Variants in ADAM18 observed in about 807,000 individuals in gnomAD.
The protein encoded by ADAM18 is ADAM metallopeptidase domain 18.
A neutral mutation model predicts 94.4 loss-of-function variants in ADAM18; 117 were observed. The ratio of observed to expected loss-of-function variants is 1.24; its 90% CI spans 1.07 to 1.45. The LOEUF (loss-of-function observed/expected upper bound fraction) is 1.45, where lower values mean the gene tolerates loss of function less well. ADAM18 is among the 40% of genes most tolerant of loss of function. ADAM18 has a pLI of 0.00. For missense variants in ADAM18, 936 were observed against 880.0 expected (o/e 1.06, Z -0.81); for synonymous variants, 327 against 291.6 (o/e 1.12, Z -1.24).
chr8:39,696,972 A>T (rs144891088), intron 17 of ADAM18, among the ~76,000 whole-genome samples: 27 of 151,700 alleles, frequency 1.8e-4, no homozygotes, highest in Admixed American at 6.6e-4. Flanking sequence ...TGTCATCTTG[A>T]CAATATTAAG....
chr8:39,659,366 T>A (rs1269238169), intron 12 of ADAM18, among the ~76,000 whole-genome samples: 1 of 151,186 alleles, frequency 6.6e-6, no homozygotes, highest in Admixed American at 6.6e-5. Flanking sequence ...CTGGAATGAA[T>A]AATTTAAAAA....
At chr8:39,649,944 C>T (rs1820486907) in intron 12 of ADAM18, among the ~76,000 whole-genome samples, 1 of 152,036 alleles carries the variant, frequency 6.6e-6, no homozygotes. Flanking sequence ...ACAGCCTTGC[C>T]CATGTGTTTG....
chr8:39,669,346 G>A (rs1333241814), intron 14 of ADAM18, among the ~76,000 whole-genome samples: 1 of 146,558 alleles, frequency 6.8e-6, no homozygotes, highest in Admixed American at 6.9e-5. Context: ...TAAGTTTTAG[G>A]GTACATGTGC....
At chr8:39,701,117 CA>C (rs71237188) in intron 17 of ADAM18, among the ~76,000 whole-genome samples, 128 of 34,540 alleles carry the variant, frequency 3.7e-3, no homozygotes, top group African/African-American at 9.1e-3. Context: ...GACTCTGTCT[CA>C]AAAAAAAAAA....
At chr8:39,695,467 T>C (rs1821897161) in intron 17 of ADAM18, among the ~76,000 whole-genome samples, 1 of 151,540 alleles carries the variant, frequency 6.6e-6, no homozygotes, top group Non-Finnish European at 1.5e-5. Context: ...TTGTTTTAAT[T>C]TGCAGCTCTC....
intron 6 of ADAM18, among the ~76,000 whole-genome samples, chr8:39,619,994 A>T (rs1465129607): frequency 2.0e-5 from 3 of 152,148 alleles, no homozygotes; most frequent in Admixed American, 1.3e-4. Context: ...ACAGCATGGT[A>T]TTGGCATTAA....
At chr8:39,639,161 G>T (rs2129579348) in intron 10 of ADAM18, among the ~76,000 whole-genome samples, 1 of 151,886 alleles carries the variant, frequency 6.6e-6, no homozygotes, top group African/African-American at 2.4e-5. Context: ...AAAGTTTATA[G>T]CACAATTAAT....
chr8:39,723,181 A>C (rs907497510), intron 18 of ADAM18, among the ~76,000 whole-genome samples: 17 of 84,118 alleles, frequency 2.0e-4, no homozygotes, highest in African/African-American at 8.1e-4. Flanking sequence ...TTAAAAAAAC[A>C]AAGGTAATAA....
At chr8:39,644,930 A>G (rs1820337145) in intron 10 of ADAM18, among the ~76,000 whole-genome samples, 1 of 152,188 alleles carries the variant, frequency 6.6e-6, no homozygotes, top group Non-Finnish European at 1.5e-5. Context: ...TAAGCTATAG[A>G]TGTGAACAAA....
chr8:39,663,847 C>A lies in ADAM18; in HGVS notation c.1283C>A (p.Ser428Ter). The A allele has an allele frequency of 1.9e-6, 3 of 1,612,170 alleles. No individual in the cohort carries two copies. Among genetic ancestry groups the A allele is most frequent in the Non-Finnish European group, 2.5e-6 (3 of 1,179,580 alleles). ...CDYNTCKLKG[S>*]VKCGSGPCCT... ...TATAACACATGTAAACTGAAGGGCT[C>A]AGTAAAATGTGGTTCTGGACCATGT... Residue 428 changes from serine (S) to a stop codon, truncating the protein, a stop_gained, in exon 13 of 20, where the codon TCA (serine) becomes TAA (stop). Transcript: ENST00000265707. LOFTEE classifies it high-confidence loss of function.
At chr8:39,615,361 A>AAATG (rs1296499393) in intron 6 of ADAM18, among the ~76,000 whole-genome samples, 3 of 152,200 alleles carry the variant, frequency 2.0e-5, no homozygotes, top group Admixed American at 6.5e-5. Context: ...ACTTTTGGAT[A>AAATG]AATGATGAAA....
intron 3 of ADAM18, among the ~76,000 whole-genome samples, chr8:39,608,827 A>C (rs1819172460): frequency 6.6e-6 from 1 of 152,154 alleles, no homozygotes; most frequent in Admixed American, 6.5e-5. Flanking sequence ...TCTGATGCAG[A>C]GGAATCCCAG....
At chr8:39,656,055 TTCA>T (rs1202710146) in intron 12 of ADAM18, among the ~76,000 whole-genome samples, 1 of 152,118 alleles carries the variant, frequency 6.6e-6, no homozygotes, top group Non-Finnish European at 1.5e-5. Context: ...TTTGTCCAAA[TTCA>T]TCATCCCGAA....
chr8:39,613,366 TA>T (rs1419200773), intron 6 of ADAM18, among the ~76,000 whole-genome samples: 1 of 152,190 alleles, frequency 6.6e-6, no homozygotes, highest in Non-Finnish European at 1.5e-5. Context: ...CCAGGAGTAC[TA>T]AACCAAGTAT....
chr8:39,647,504 C>T (rs1244802105), intron 11 of ADAM18, among the ~76,000 whole-genome samples: 1 of 152,128 alleles, frequency 6.6e-6, no homozygotes, highest in Non-Finnish European at 1.5e-5. Flanking sequence ...GAGACAGTGG[C>T]CTTCCTCTAT....
At chr8:39,702,994 A>G (rs1822131621) in intron 17 of ADAM18, among the ~76,000 whole-genome samples, 2 of 152,154 alleles carry the variant, frequency 1.3e-5, no homozygotes, top group East Asian at 1.9e-4. Flanking sequence ...GTGAATTTTA[A>G]AATAGTTTTC....
At chr8:39,707,167 T>C (rs1257705920) in intron 18 of ADAM18, among the ~76,000 whole-genome samples, 1 of 152,178 alleles carries the variant, frequency 6.6e-6, no homozygotes, top group Non-Finnish European at 1.5e-5. Flanking sequence ...TGATTAACTG[T>C]CCTTCCATGT....
intron 2 of ADAM18, chr8:39,604,762 T>C (rs913966474): frequency 5.9e-5 from 9 of 152,376 alleles, no homozygotes; most frequent in African/African-American, 1.7e-4. Context: ...CTCTTTTCTT[T>C]ATAAACTACC....
intron 6 of ADAM18, among the ~76,000 whole-genome samples, chr8:39,622,882 ATT>A (rs1401528551): frequency 2.6e-5 from 4 of 151,974 alleles, no homozygotes; most frequent in Admixed American, 1.3e-4. Context: ...TTATATATAT[ATT>A]TTTTCGTTTC....
Sources: allele counts gnomAD v4.1 joint callset (sites outside exome capture counted in the v4.1 genomes callset), GRCh38; gene constraint gnomAD v4.1.1; transcripts MANE v1.5; gene names NCBI Gene and HGNC (gene_info 2026-07-23, HGNC 2026-07-21).